SCARA3: variants seen among roughly 807,000 people sequenced by gnomAD.
SCARA3 encodes scavenger receptor class A member 3.
Under a neutral mutation model 47.0 loss-of-function variants are expected in SCARA3, and 39 were observed. The observed-to-expected ratio is 0.83, with a 90% CI of 0.64 to 1.08. SCARA3 has a LOEUF of 1.08. Ranked by LOEUF, SCARA3 falls within the 50% of genes least tolerant of loss-of-function variation. The probability of loss-of-function intolerance (pLI) is 0.00; values close to 1 mark genes in which losing one functional copy is unlikely to be tolerated. For missense variants in SCARA3, 724 were observed against 792.3 expected (o/e 0.91, Z 1.04); for synonymous variants, 356 against 334.1 (o/e 1.07, Z -0.71).
the SCARA3 span, chr8:27,733,195 A>G: frequency 2.0e-5 from 3 of 152,216 alleles, no homozygotes; most frequent in Non-Finnish European, 2.9e-5. Context: ...GGCAGGCATC[A>G]TCACATGGGG....
At chr8:27,649,041 G>C (rs2128917833) in intron 1 of SCARA3, among the ~76,000 whole-genome samples, 1 of 152,292 alleles carries the variant, frequency 6.6e-6, no homozygotes, top group African/African-American at 2.4e-5. Context: ...GGGTGTCTGG[G>C]GAACTAGAGG....
intron 3 of SCARA3, among the ~76,000 whole-genome samples, chr8:27,654,649 T>C (rs1230237710): frequency 6.7e-6 from 1 of 149,998 alleles, no homozygotes; most frequent in Non-Finnish European, 1.5e-5. Flanking sequence ...ATGCCAGTAG[T>C]CCTGGCGGCA....
chr8:27,673,934 G>A, downstream of SCARA3, among the ~76,000 whole-genome samples: 1 of 152,156 alleles, frequency 6.6e-6, no homozygotes, highest in East Asian at 1.9e-4. Context: ...GACAAACCAA[G>A]GACTGAGAGC....
At chr8:27,715,804 G>A in the SCARA3 span, among the ~76,000 whole-genome samples, 17 of 149,408 alleles carry the variant, frequency 1.1e-4, no homozygotes, top group South Asian at 2.1e-4. This position sits in a 1 kb window ranked among gnomAD's most constrained non-coding sequence, Gnocchi z 4.2. Flanking sequence ...ATAGATGACA[G>A]ATATAGATAG....
chr8:27,674,941 A>G (rs1049553805), downstream of SCARA3, among the ~76,000 whole-genome samples: 10 of 152,036 alleles, frequency 6.6e-5, no homozygotes, highest in African/African-American at 2.4e-4. Context: ...GTTGGCCAGG[A>G]TGGTCTCGAT....
chr8:27,641,009 A>T (rs554288512), intron 1 of SCARA3, among the ~76,000 whole-genome samples: 1 of 152,292 alleles, frequency 6.6e-6, no homozygotes, highest in East Asian at 1.9e-4. Flanking sequence ...CAGTATTTTT[A>T]AAAAATGGTT....
the SCARA3 span, among the ~76,000 whole-genome samples, chr8:27,692,817 T>C: frequency 6.6e-6 from 1 of 152,064 alleles, no homozygotes; most frequent in Non-Finnish European, 1.5e-5. Context: ...ATAACTTAAC[T>C]CTTTCAATCA....
In SCARA3 at chr8:27,634,171, G is replaced by T; in HGVS notation, c.-30G>T. 1.4e-6 allele frequency: 2 copies of T among 1,444,996 alleles called. No individual in the cohort carries two copies. Among genetic ancestry groups the T allele is most frequent in the Non-Finnish European group, 1.8e-6 (2 of 1,102,906 alleles). 89.5% of individuals were successfully genotyped at this position (1,444,996 alleles called of 1,614,324 possible). ...CTACAGCTCCAGCCGCCTGCAGCGG[G>T]GCCCTCCTGAGGCCCCAGAGGAAGA... On this transcript the variant is annotated 5_prime_UTR_variant, in exon 1 of 6. Transcript: ENST00000301904.
At chr8:27,644,980 T>C (rs970035806) in intron 1 of SCARA3, among the ~76,000 whole-genome samples, 1 of 152,200 alleles carries the variant, frequency 6.6e-6, no homozygotes, top group African/African-American at 2.4e-5. Flanking sequence ...TGATGTCCCT[T>C]GTTCTGTTCT....
Position 27,672,736 on chromosome 8 carries a change from C to G in SCARA3, c.*1385C>G. 1.0e-6 allele frequency: 1 copy of G among 985,574 alleles called. No homozygotes were observed. 61.1% of individuals were successfully genotyped at this position (985,574 alleles called of 1,614,324 possible). A position where few individuals can be genotyped will look rare whatever the true frequency, so the allele number is the denominator to read the frequency against. On this transcript the variant is annotated 3_prime_UTR_variant, in exon 6 of 6. Coordinates refer to ENST00000301904, the MANE Select transcript of SCARA3 (RefSeq NM_016240.3). Reference sequence around the variant, plus strand: ...GGAAATCACCCCACAGGGTGGAGGTCTCCTGTTGGCTACACTCTAAAGCTG... The same window carrying G: ...GGAAATCACCCCACAGGGTGGAGGTGTCCTGTTGGCTACACTCTAAAGCTG...
At chr8:27,699,799 A>G in the SCARA3 span, among the ~76,000 whole-genome samples, 74,053 of 151,884 alleles carry the variant, frequency 0.49, 18,361 homozygotes, top group Middle Eastern at 0.61. Context: ...AGAAAGAAAA[A>G]AAAAGACTTA....
In SCARA3 at chr8:27,651,605, C is replaced by G. The variant is rs774339491; in HGVS notation, c.204C>G (p.Ala68=). The G allele has an allele frequency of 6.2e-7, 1 of 1,614,124 alleles. No individual in the cohort carries two copies. Among genetic ancestry groups the G allele is most frequent in the Non-Finnish European group, 8.5e-7 (1 of 1,180,032 alleles). ...LYLFLALLLV[A]VAVLASLVFR... is the part of the protein sequence containing the mutation. ...TCTTCCTGGCCCTGCTCCTGGTGGCCGTGGCTGTGTTGGCCTCTCTGGGTG... is the reference window on the plus strand; with the variant it reads ...TCTTCCTGGCCCTGCTCCTGGTGGCGGTGGCTGTGTTGGCCTCTCTGGGTG... The change falls in exon 3 of 6, where the codon GCC becomes GCG. Residue 68 remains alanine (A), a synonymous_variant. Coordinates refer to ENST00000301904, the MANE Select transcript of SCARA3 (RefSeq NM_016240.3).
the SCARA3 span, among the ~76,000 whole-genome samples, chr8:27,709,969 G>A: frequency 3.3e-5 from 5 of 152,146 alleles, no homozygotes; most frequent in Non-Finnish European, 5.9e-5. Context: ...AGACGCTGAC[G>A]CCTGTAATCT....
chr8:27,707,523 G>A, the SCARA3 span, among the ~76,000 whole-genome samples: 1 of 150,704 alleles, frequency 6.6e-6, no homozygotes, highest in African/African-American at 2.4e-5. Flanking sequence ...TGTTCTTGAG[G>A]ACATCTCCCA....
the SCARA3 span, chr8:27,701,266 G>A: frequency 6.6e-6 from 1 of 152,180 alleles, no homozygotes; most frequent in Non-Finnish European, 1.5e-5. Flanking sequence ...TACCTGGGAT[G>A]GGATGGTTAG....
chr8:27,636,624 C>G (rs1014604811), intron 1 of SCARA3, among the ~76,000 whole-genome samples: 1 of 152,168 alleles, frequency 6.6e-6, no homozygotes, highest in African/African-American at 2.4e-5. Context: ...CTGCCTCTCT[C>G]CTCCTTTCCC....
the SCARA3 span, among the ~76,000 whole-genome samples, chr8:27,684,802 ATCTGCT>A: frequency 6.6e-6 from 1 of 152,092 alleles, no homozygotes; most frequent in African/African-American, 2.4e-5. Flanking sequence ...AAGCAGGAGG[ATCTGCT>A]TAAGCTCAGG....
intron 1 of SCARA3, among the ~76,000 whole-genome samples, chr8:27,646,962 G>GGCCC: frequency 4.6e-5 from 1 of 21,662 alleles, no homozygotes; most frequent in East Asian, 3.2e-3. Context: ...CCGCACCCCT[G>GGCCC]ACCGCCCCCG....
the SCARA3 span, among the ~76,000 whole-genome samples, chr8:27,708,559 A>G: frequency 3.9e-5 from 6 of 152,200 alleles, no homozygotes; most frequent in Non-Finnish European, 8.8e-5. Context: ...ACATATCAAG[A>G]AAAAAGAATA....
Sources: allele counts gnomAD v4.1 joint callset (sites outside exome capture counted in the v4.1 genomes callset), GRCh38; gene constraint gnomAD v4.1.1; non-coding constraint Gnocchi (gnomAD v3.1); transcripts MANE v1.5; gene names NCBI Gene and HGNC (gene_info 2026-07-23, HGNC 2026-07-21).